The following RAP1GAP2 variants were observed in gnomAD, a reference collection of about 807,000 sequenced individuals.
The protein encoded by RAP1GAP2 is rap1 GTPase-activating protein 2.
A neutral mutation model predicts 95.0 loss-of-function variants in RAP1GAP2; 27 were observed. The observed-to-expected ratio is 0.28, with a 90% CI of 0.21 to 0.39. RAP1GAP2 has a LOEUF of 0.39. Among genes scored for constraint, RAP1GAP2 ranks in the 10% least tolerant of loss-of-function variants. The pLI is 1.00. For missense variants in RAP1GAP2, 771 were observed against 970.0 expected, an observed-to-expected ratio of 0.79 and a Z score of 2.72; for synonymous variants, 373 against 380.9, an observed-to-expected ratio of 0.98 and a Z score of 0.24.
rs8069788 is a variant in RAP1GAP2 at position 2,855,363 on chromosome 17, C to T, written c.81-49921C>T. Among the ~76,000 whole-genome samples, 71,511 of 152,076 alleles carry T rather than the reference C, an allele frequency of 0.47. 16,813 individuals carry two copies. Among genetic ancestry groups the T allele is most frequent in the Middle Eastern group, 0.53 (157 of 294 alleles). On this transcript the variant is annotated intron_variant, in intron 2 of 24. Coordinates refer to ENST00000254695, the MANE Select transcript of RAP1GAP2 (RefSeq NM_015085.5). The surrounding 1 kb of genome is among the most constrained non-coding windows in gnomAD (Gnocchi z 4.3). ...AAGTTTCAGGTGGATGCTAGTCTGCCTTTAACACATTTTAAACACTTGCTA... is the reference window on the plus strand; with the variant it reads ...AAGTTTCAGGTGGATGCTAGTCTGCTTTTAACACATTTTAAACACTTGCTA...
intron 2 of RAP1GAP2, among the ~76,000 whole-genome samples, chr17:2,884,784 A>T (rs1234793975): frequency 6.6e-6 from 1 of 152,194 alleles, no homozygotes; most frequent in Non-Finnish European, 1.5e-5. Flanking sequence ...ATAAGATGAA[A>T]ACATCACTCC....
intron 2 of RAP1GAP2, among the ~76,000 whole-genome samples, chr17:2,901,827 G>A (rs2042035847): frequency 6.6e-6 from 1 of 152,068 alleles, no homozygotes; most frequent in Non-Finnish European, 1.5e-5. Context: ...TCCTGGGGCA[G>A]GACAAGGCTG....
chr17:2,851,673 C>T (rs968685470), intron 2 of RAP1GAP2, among the ~76,000 whole-genome samples: 1 of 151,994 alleles, frequency 6.6e-6, no homozygotes, highest in African/African-American at 2.4e-5. Flanking sequence ...GCTGGGAACC[C>T]CAGAATAAGA....
chr17:2,996,971 G>A (rs946986110), intron 13 of RAP1GAP2, among the ~76,000 whole-genome samples: 3 of 152,212 alleles, frequency 2.0e-5, no homozygotes, highest in African/African-American at 7.2e-5. Context: ...TCGACATACA[G>A]GAGCGGGTTT....
At chr17:2,822,262 G>T (rs888913448) in intron 2 of RAP1GAP2, among the ~76,000 whole-genome samples, 2 of 152,098 alleles carry the variant, frequency 1.3e-5, no homozygotes, top group East Asian at 1.9e-4. Context: ...CCTCATTCAT[G>T]CTCAGAAACA....
intron 2 of RAP1GAP2, among the ~76,000 whole-genome samples, chr17:2,885,060 G>A (rs1360723936): frequency 7.4e-6 from 1 of 134,828 alleles, no homozygotes; most frequent in African/African-American, 2.8e-5. Flanking sequence ...TTGAGATGGA[G>A]TCTCGCTCTG....
chr17:2,841,414 C>T (rs1272602687), intron 2 of RAP1GAP2, among the ~76,000 whole-genome samples: 1 of 150,744 alleles, frequency 6.6e-6, no homozygotes, highest in Non-Finnish European at 1.5e-5. Flanking sequence ...CGCCATTCTC[C>T]TGCCTCAGCC....
At chr17:2,951,993 C>CA (rs1381170746) in intron 3 of RAP1GAP2, among the ~76,000 whole-genome samples, 4 of 151,994 alleles carry the variant, frequency 2.6e-5, no homozygotes, top group African/African-American at 9.7e-5. Flanking sequence ...AAGATTGCGC[C>CA]ACTGCACTCC....
rs372914950 is a variant in RAP1GAP2 at position 3,026,020 on chromosome 17, C to T, written c.1764C>T (p.Ser588=). ...GDSRARCDST[S]STPKTPDGGH... ...TCCATTCCCTCAGTGACAGCACATC[C>T]AGCACACCCAAGACCCCAGATGGTG... The change falls in exon 20 of 25, where the codon TCC becomes TCT. Residue 588 remains serine, a synonymous_variant. Coordinates refer to ENST00000254695, the MANE Select transcript of RAP1GAP2 (RefSeq NM_015085.5). 5 of 1,612,800 alleles carry T rather than the reference C, an allele frequency of 3.1e-6. No homozygotes were observed. Among genetic ancestry groups the T allele is most frequent in the Non-Finnish European group, 4.2e-6 (5 of 1,178,948 alleles).
chr17:2,796,947 C>T lies in RAP1GAP2; in HGVS notation c.44+376C>T, dbSNP rs564167907. Among the ~76,000 whole-genome samples the T allele has an allele frequency of 4.2e-4, 64 of 151,816 alleles. No individual in the cohort carries two copies. Among genetic ancestry groups the T allele is most frequent in the Non-Finnish European group, 6.8e-4 (46 of 67,896 alleles). ...GCGCGTTTGAGCCTGTGTGTGCAGGCGTGTGTGTGTGGCTGTGACTGCCAG... is the reference window on the plus strand; with the variant it reads ...GCGCGTTTGAGCCTGTGTGTGCAGGTGTGTGTGTGTGGCTGTGACTGCCAG... On this transcript the variant is annotated intron_variant, in intron 1 of 24. Coordinates refer to ENST00000254695, the MANE Select transcript of RAP1GAP2 (RefSeq NM_015085.5). This position sits in a 1 kb window ranked among gnomAD's most constrained non-coding sequence, Gnocchi z 4.7.
rs959469974 is a variant in RAP1GAP2, at chr17:2,903,785, G to T, written c.81-1499G>T. On this transcript the variant is annotated intron_variant, in intron 2 of 24. Coordinates refer to ENST00000254695, the MANE Select transcript of RAP1GAP2 (RefSeq NM_015085.5). The surrounding 1 kb of genome is among the most constrained non-coding windows in gnomAD (Gnocchi z 4.1). ...GCTGGCTGGTCAACTGCAGGGGCAG[G>T]CAGGGGTACACATGACCCAGGCCTA... Among the ~76,000 whole-genome samples the T allele has an allele frequency of 2.0e-5, 3 of 152,194 alleles. No homozygotes were observed. In the East Asian group the frequency reaches 5.8e-4, roughly 29 times the overall value.
At chr17:2,993,233 AAGG>A (rs1005987378) in intron 12 of RAP1GAP2, among the ~76,000 whole-genome samples, 1 of 150,684 alleles carries the variant, frequency 6.6e-6, no homozygotes, top group Non-Finnish European at 1.5e-5. Flanking sequence ...AAAAAAAAAA[AAGG>A]AGGTAAAGAT....
intron 3 of RAP1GAP2, among the ~76,000 whole-genome samples, chr17:2,914,560 A>G (rs58725620): frequency 0.12 from 18,468 of 151,158 alleles, 2,009 homozygotes; most frequent in East Asian, 0.32. Flanking sequence ...GCCCGATCTC[A>G]GCTCACTGCA....
chr17:2,885,942 C>T (rs966253332), intron 2 of RAP1GAP2, among the ~76,000 whole-genome samples: 5 of 152,220 alleles, frequency 3.3e-5, no homozygotes, highest in African/African-American at 4.8e-5. Flanking sequence ...GCAGGAAGGC[C>T]GAAATGCCGG....
intron 14 of RAP1GAP2, among the ~76,000 whole-genome samples, chr17:3,000,233 G>A (rs889037251): frequency 2.0e-5 from 3 of 152,272 alleles, no homozygotes; most frequent in African/African-American, 7.2e-5. Flanking sequence ...ATAGGCGTGA[G>A]CCACTGTGCC....
chr17:2,991,579 TG>T (rs5818885), intron 12 of RAP1GAP2, among the ~76,000 whole-genome samples, 182 bp downstream of exon 12: 8,330 of 152,098 alleles, frequency 0.055, 725 homozygotes, highest in African/African-American at 0.19. Flanking sequence ...AGTGATCCAG[TG>T]TGGCAGATTC....
At chr17:2,806,462 G>A (rs1391459356) in intron 2 of RAP1GAP2, among the ~76,000 whole-genome samples, 4 of 150,416 alleles carry the variant, frequency 2.7e-5, no homozygotes, top group Non-Finnish European at 4.4e-5. Flanking sequence ...GTGAAATTTC[G>A]GCTCACTGCA....
chr17:2,944,765 G>A (rs71359190), intron 3 of RAP1GAP2, among the ~76,000 whole-genome samples: 4,117 of 152,254 alleles, frequency 0.027, 91 homozygotes, highest in Admixed American at 0.068. Context: ...CATGAACATG[G>A]AATGTCGTTC....
At chr17:2,938,274 G>A (rs1041857411) in intron 3 of RAP1GAP2, among the ~76,000 whole-genome samples, 4 of 152,296 alleles carry the variant, frequency 2.6e-5, no homozygotes, top group South Asian at 4.1e-4. Flanking sequence ...AGGGCCACGA[G>A]TTAGTAGCTT....
Sources: allele counts gnomAD v4.1 joint callset (sites outside exome capture counted in the v4.1 genomes callset), GRCh38; gene constraint gnomAD v4.1.1; non-coding constraint Gnocchi (gnomAD v3.1); transcripts MANE v1.5; gene names NCBI Gene and HGNC (gene_info 2026-07-23, HGNC 2026-07-21).